The following COG7 variants were observed in gnomAD, a reference collection of about 807,000 sequenced individuals.
COG7 encodes conserved oligomeric Golgi complex subunit 7.
Under a neutral mutation model 91.5 loss-of-function variants are expected in COG7, and 49 were observed. The observed-to-expected ratio is 0.54, with a 90% confidence interval of 0.43 to 0.68. COG7 has a LOEUF of 0.68. Among genes scored for constraint, COG7 ranks in the 30% least tolerant of loss-of-function variants. COG7 has a pLI of 0.00. For synonymous variants in COG7, 365 were observed against 388.7 expected, an observed-to-expected ratio of 0.94 and a Z score of 0.72; for missense variants, 895 against 961.3, an observed-to-expected ratio of 0.93 and a Z score of 0.91.
intron 7 of COG7, 63 bp from the exon 8 acceptor site, chr16:23,418,890 G>C (rs1308484432): frequency 6.6e-7 from 1 of 1,522,616 alleles, no homozygotes; most frequent in Non-Finnish European, 9.1e-7. Flanking sequence ...CTGTGGGAAA[G>C]CAACAATCAA....
rs751987429 is a variant in COG7, at chr16:23,393,309, C to T, written c.1926G>A (p.Glu642=). Residue 642 remains glutamate, a synonymous_variant, in exon 15 of 17, where the codon GAG becomes GAA. Coordinates refer to ENST00000307149, the MANE Select transcript of COG7 (RefSeq NM_153603.4). ...QYIMSLPLNL[E]PFVTQEDSAL... is the part of the protein sequence containing the mutation. The stretch of plus-strand genomic sequence containing the variant: ...CAGAGTCCTCCTGAGTCACAAATGG[C>T]TCAAGATTCAGGGGGAGGGACATGA... 6.2e-7 allele frequency: 1 copy of T among 1,614,144 alleles called. No individual in the cohort carries two copies. The highest frequency in any genetic ancestry group is 8.5e-7 in the Non-Finnish European group (1 of 1,180,024).
At chr16:23,436,595 C>T (rs147884505) in intron 4 of COG7, among the ~76,000 whole-genome samples, 37 of 151,994 alleles carry the variant, frequency 2.4e-4, no homozygotes, top group South Asian at 6.2e-4. Flanking sequence ...ATTAACCAGG[C>T]GTGGTGGTGC....
intron 12 of COG7, among the ~76,000 whole-genome samples, chr16:23,404,269 AC>A (rs770904300): frequency 2.0e-5 from 3 of 152,278 alleles, no homozygotes; most frequent in Non-Finnish European, 2.9e-5. Flanking sequence ...GGTCAAATAT[AC>A]TTGGCTGAAA....
intron 4 of COG7, among the ~76,000 whole-genome samples, chr16:23,440,287 G>C (rs1371075242): frequency 6.6e-6 from 1 of 151,564 alleles, no homozygotes; most frequent in Non-Finnish European, 1.5e-5. Context: ...CTAGTTGGGA[G>C]GTAAGGCAGG....
At position 23,394,686 on chromosome 16, in the gene COG7, T is replaced by C. The variant is rs115414618; in HGVS notation, c.1888-1339A>G. On this transcript the variant is annotated intron_variant, in intron 14 of 16. Coordinates refer to ENST00000307149, the MANE Select transcript of COG7 (RefSeq NM_153603.4). ...GTAGTGTCCAGAAGTTAACACAGAC[T>C]CGAAAATCTACCCAGACCAGAGAAC... Among the ~76,000 whole-genome samples, 506 of 152,300 alleles carry C rather than the reference T, an allele frequency of 3.3e-3. 4 individuals are homozygous for C. The highest frequency in any genetic ancestry group is 0.011 in the African/African-American group (473 of 41,576).
chr16:23,442,195 G>T (rs563511787), intron 4 of COG7, among the ~76,000 whole-genome samples: 1 of 152,158 alleles, frequency 6.6e-6, no homozygotes, highest in Admixed American at 6.6e-5. Flanking sequence ...TTACCTGGGT[G>T]TGGTGGCACA....
chr16:23,399,603 A>G (rs1180475163), intron 13 of COG7, among the ~76,000 whole-genome samples: 1 of 151,568 alleles, frequency 6.6e-6, no homozygotes, highest in Non-Finnish European at 1.5e-5. Flanking sequence ...CAGACACATG[A>G]GTGCTGCCTC....
intron 7 of COG7, among the ~76,000 whole-genome samples, chr16:23,422,281 C>T: frequency 6.6e-6 from 1 of 151,592 alleles, no homozygotes; most frequent in East Asian, 1.9e-4. Flanking sequence ...TCACTGCACT[C>T]TAACCTGGGC....
At chr16:23,415,170 A>AT (rs1357149255) in intron 9 of COG7, 4 of 152,272 alleles carry the variant, frequency 2.6e-5, no homozygotes, top group Non-Finnish European at 5.9e-5. Context: ...TTCTAGGGTT[A>AT]TAAGTCCCAG....
intron 7 of COG7, among the ~76,000 whole-genome samples, chr16:23,422,821 T>C (rs767380498): frequency 1.3e-5 from 2 of 151,974 alleles, no homozygotes; most frequent in East Asian, 1.9e-4. Flanking sequence ...GATGGGTGGA[T>C]TGCTTGAGGC....
chr16:23,445,206 T>C, intron 2 of COG7, 42 bp from the exon 3 acceptor site: 2 of 1,339,290 alleles, frequency 1.5e-6, no homozygotes, highest in Non-Finnish European at 2.2e-6. Context: ...GGGTAGGTCC[T>C]TTTTCTCCAT....
chr16:23,428,414 G>GT lies in COG7; in HGVS notation c.811-3468dup, dbSNP rs958567786. Among the ~76,000 whole-genome samples, 69 of 150,318 alleles carry GT rather than the reference G, an allele frequency of 4.6e-4. 1 individual carries two copies. The highest frequency in any genetic ancestry group is 1.1e-3 in the African/African-American group (45 of 41,156). ...TCAATAATAAAAAGGCAAATAACCT[G>GT]TTTTTTTTTAATGGACAAAAGACCT... On this transcript the variant is annotated intron_variant, in intron 6 of 16. Coordinates refer to ENST00000307149, the MANE Select transcript of COG7 (RefSeq NM_153603.4).
rs1963137153 is a variant in COG7 at position 23,388,851 on chromosome 16, A to G, written c.*69T>C. The G allele has an allele frequency of 6.2e-7, 1 of 1,608,664 alleles. No homozygotes were observed. Among genetic ancestry groups the G allele is most frequent in the South Asian group, 1.1e-5 (1 of 90,512 alleles). On this transcript the variant is annotated 3_prime_UTR_variant, in exon 17 of 17. Coordinates refer to ENST00000307149, the MANE Select transcript of COG7 (RefSeq NM_153603.4). ...TGCCCAATCTTGGGCAGAGTTTCTG[A>G]GCAAATCTGTGCTGGTGAGTCGCGA...
intron 8 of COG7, among the ~76,000 whole-genome samples, chr16:23,418,329 A>C (rs973332428): frequency 3.9e-5 from 6 of 152,032 alleles, no homozygotes; most frequent in Non-Finnish European, 8.8e-5. Flanking sequence ...ACATGGCAAA[A>C]CTGTCTCTAC....
chr16:23,424,297 C>CAAAA lies in COG7; in HGVS notation c.1009+448_1009+451dup, dbSNP rs398042083. Among the ~76,000 whole-genome samples, 4 of 48,620 alleles carry CAAAA rather than the reference C, an allele frequency of 8.2e-5. 1 individual carries two copies. Among genetic ancestry groups the CAAAA allele is most frequent in the South Asian group, 8.3e-4 (1 of 1,210 alleles). 31.9% of individuals were successfully genotyped at this position (48,620 alleles called of 152,430 possible). ...GGGCAACAAGAGCGAAACTCCATCT[C>CAAAA]AAAAAAAAAAAAAAAAAAAAAGCCC... On this transcript the variant is annotated intron_variant, in intron 7 of 16. Transcript: ENST00000307149.
chr16:23,390,797 C>G (rs531947826), intron 16 of COG7, among the ~76,000 whole-genome samples: 2 of 152,366 alleles, frequency 1.3e-5, no homozygotes, highest in African/African-American at 4.8e-5. Context: ...GATGCCTGCT[C>G]TGTCACGGCT....
At chr16:23,431,246 C>G (rs1963929509) in intron 6 of COG7, among the ~76,000 whole-genome samples, 1 of 152,144 alleles carries the variant, frequency 6.6e-6, no homozygotes, top group Non-Finnish European at 1.5e-5. Context: ...GAAGGAGACA[C>G]ATGTGCCCTG....
At chr16:23,429,213 C>T (rs1028982229) in intron 6 of COG7, among the ~76,000 whole-genome samples, 5 of 152,038 alleles carry the variant, frequency 3.3e-5, no homozygotes, top group Non-Finnish European at 5.9e-5. Context: ...GGGTCTCAAA[C>T]TTCTGGGCTC....
At chr16:23,424,297 C>CAAAAAAA in intron 7 of COG7, among the ~76,000 whole-genome samples, 1 of 48,668 alleles carries the variant, frequency 2.1e-5, no homozygotes, top group Non-Finnish European at 3.9e-5. Flanking sequence ...AACTCCATCT[C>CAAAAAAA]AAAAAAAAAA....
Sources: gnomAD v4.1 joint callset for allele counts (sites outside exome capture counted in the v4.1 genomes callset) on GRCh38, gnomAD v4.1.1 for gene constraint, MANE v1.5 for transcripts, NCBI Gene and HGNC (gene_info 2026-07-23, HGNC 2026-07-21) for gene names.